Variants in ALG1 observed in about 807,000 individuals in gnomAD.
The protein encoded by ALG1 is ALG1 chitobiosyldiphosphodolichol beta-mannosyltransferase, also known as chitobiosyldiphosphodolichol beta-mannosyltransferase.
ALG1 carries 58 observed loss-of-function variants against 55.1 expected under a neutral mutation model. That is an observed-to-expected ratio of 1.05 (90% CI 0.85 to 1.31). The LOEUF (loss-of-function observed/expected upper bound fraction) is 1.31. Among genes scored for constraint, ALG1 ranks in the 50% most tolerant of loss-of-function variants. The probability of loss-of-function intolerance (pLI) is 0.00; values close to 1 mark genes in which losing one functional copy is unlikely to be tolerated. For synonymous variants in ALG1, 309 were observed against 247.0 expected, an observed-to-expected ratio of 1.25 and a Z score of -2.35; for missense variants, 761 against 598.6, an observed-to-expected ratio of 1.27 and a Z score of -2.83.
chr16:5,074,025 C>G (rs1365376634), intron 3 of ALG1, among the ~76,000 whole-genome samples: 1 of 152,098 alleles, frequency 6.6e-6, no homozygotes. Context: ...TATCGTTATA[C>G]TTTTAATCCC....
intron 5 of ALG1, 28 bp from the exon 6 acceptor site, chr16:5,077,879 C>A: frequency 6.2e-7 from 1 of 1,602,336 alleles, no homozygotes; most frequent in Non-Finnish European, 8.5e-7. Context: ...TCAGCCCTCC[C>A]AATAGCCCCG....
In ALG1 at chr16:5,077,787, C is replaced by G. The variant is rs1186610182; in HGVS notation, c.630-120C>G. 1.2e-5 allele frequency: 14 copies of G among 1,173,876 alleles called. No individual in the cohort carries two copies. In the African/African-American group the frequency reaches 2.0e-4, roughly 16 times the overall value. 72.7% of individuals were successfully genotyped at this position (1,173,876 alleles called of 1,614,324 possible). On this transcript the variant is annotated intron_variant, in intron 5 of 12. Transcript: ENST00000262374. Reference sequence around the variant, plus strand: ...TTCCCAAGTAATTGCAAGGCTTCTTCTTGTCATCATCTGAGACTTGGATTC... The same window carrying G: ...TTCCCAAGTAATTGCAAGGCTTCTTGTTGTCATCATCTGAGACTTGGATTC...
intron 1 of ALG1, 180 bp downstream of exon 1, chr16:5,072,237 G>C: frequency 6.6e-7 from 1 of 1,506,782 alleles, no homozygotes; most frequent in East Asian, 2.5e-5. Flanking sequence ...TATAGCCGGC[G>C]TTAATCTTGC....
At chr16:5,073,935 G>A (rs1439672982) in intron 3 of ALG1, among the ~76,000 whole-genome samples, 4 of 152,154 alleles carry the variant, frequency 2.6e-5, no homozygotes, top group Non-Finnish European at 5.9e-5. Flanking sequence ...GGCTGTTCTC[G>A]AACTCCTGAC....
chr16:5,072,008 G>A lies in ALG1; in HGVS notation c.159G>A (p.Ala53=). The A allele has an allele frequency of 1.9e-6, 3 of 1,597,624 alleles. No homozygotes were observed. Among genetic ancestry groups the A allele is most frequent in the Non-Finnish European group, 2.6e-6 (3 of 1,171,930 alleles). The change falls in exon 1 of 13, where the codon GCG becomes GCA. Residue 53 remains alanine, a synonymous_variant. Transcript: ENST00000262374. ...GCAGCCCCCGTATGCAGTACCACGC[G>A]CTGTCGTTGGCCATGCACGGCTTCT... ...VGRSPRMQYH[A]LSLAMHGFSV...
At chr16:5,081,492 C>A (rs751315988) in intron 10 of ALG1, among the ~76,000 whole-genome samples, 2 of 152,222 alleles carry the variant, frequency 1.3e-5, no homozygotes, top group African/African-American at 4.8e-5. Context: ...GGTCCTGATG[C>A]GTCTCTAGAG....
intron 12 of ALG1, 193 bp from the exon 13 acceptor site, chr16:5,084,555 GAA>G (rs1231112105): frequency 5.6e-5 from 49 of 879,378 alleles, no homozygotes; most frequent in Non-Finnish European, 8.1e-5. Flanking sequence ...GACATGCGGG[GAA>G]GTTTCCAGAA....
At chr16:5,072,193 T>G (rs1596251183) in intron 1 of ALG1, 136 bp downstream of exon 1, 1 of 1,493,582 alleles carries the variant, frequency 6.7e-7, no homozygotes, top group Non-Finnish European at 8.9e-7. Context: ...AGACGAGCGG[T>G]TCTGCCCCAG....
At position 5,075,569 on chromosome 16, in the gene ALG1, C is replaced by T. The variant is rs373740558; in HGVS notation, c.539+33C>T. 5.0e-6 allele frequency: 8 copies of T among 1,612,492 alleles called. No homozygotes were observed. In the African/African-American group the frequency reaches 8.0e-5, roughly 16 times the overall value. On this transcript the variant is annotated intron_variant, in intron 4 of 12. Coordinates refer to ENST00000262374, the MANE Select transcript of ALG1 (RefSeq NM_019109.5). ...TCTAGGAAGAGGGTAAAATACCGTC[C>T]CCTAAACCACTCAAGGATGAGTGAG...
intron 3 of ALG1, among the ~76,000 whole-genome samples, chr16:5,074,062 A>T (rs979143893): frequency 6.6e-6 from 1 of 151,892 alleles, no homozygotes; most frequent in Non-Finnish European, 1.5e-5. Flanking sequence ...TTCTTTAAAA[A>T]ATTTTTCTTT....
chr16:5,084,879 T>C lies in ALG1; in HGVS notation c.1393T>C (p.Ter465GlnextTer39), dbSNP rs3204229. The change falls in exon 13 of 13, where the codon TAA becomes CAA. Residue 465 changes from the stop codon to glutamine, a stop_lost. Coordinates refer to ENST00000262374, the MANE Select transcript of ALG1 (RefSeq NM_019109.5). ...TGTGCTCCCTTTGGTTATGGACACA[T>C]AACTCCTGGGCCAGAGGCTAAAACC... is the stretch of plus-strand genomic sequence containing the variant. ...QTVLPLVMDT* is the reference protein window; with the variant it reads ...QTVLPLVMDTQ 12 of 1,592,846 alleles carry C rather than the reference T, an allele frequency of 7.5e-6. No homozygotes were observed. Among genetic ancestry groups the C allele is most frequent in the East Asian group, 2.2e-5 (1 of 44,766 alleles).
chr16:5,085,043 G>A lies in ALG1; in HGVS notation c.*162G>A. On this transcript the variant is annotated 3_prime_UTR_variant, in exon 13 of 13. Coordinates refer to ENST00000262374, the MANE Select transcript of ALG1 (RefSeq NM_019109.5). Reference sequence around the variant, plus strand: ...TAAAAGAATTGGTTCTGTGACCCGGGAAGCTTTGGTTGGCCTTGATTTCTT... The same window carrying A: ...TAAAAGAATTGGTTCTGTGACCCGGAAAGCTTTGGTTGGCCTTGATTTCTT... 7.3e-7 allele frequency: 1 copy of A among 1,369,800 alleles called. No individual in the cohort carries two copies. The highest frequency in any genetic ancestry group is 1.4e-5 in the African/African-American group (1 of 69,744). The allele number at this position is 1,369,800 out of a possible 1,614,324, so 84.9% of individuals were successfully genotyped here. A position where few individuals can be genotyped will look rare whatever the true frequency, so the allele number is the denominator to read the frequency against.
At position 5,082,577 on chromosome 16, in the gene ALG1, T is replaced by G. The variant is rs774564151; in HGVS notation, c.1091T>G (p.Val364Gly). The G allele has an allele frequency of 9.3e-6, 15 of 1,611,982 alleles. No individual in the cohort carries two copies. The highest frequency in any genetic ancestry group is 1.2e-5 in the Non-Finnish European group (14 of 1,179,844). Reference sequence around the variant, plus strand: ...CTAGCAGGGTCGGCGGACCTGGGTGTCTGTCTGCACACGTCCTCCAGTGGC... The same window carrying G: ...CTAGCAGGGTCGGCGGACCTGGGTGGCTGTCTGCACACGTCCTCCAGTGGC... ...PLLLGSADLG[V>G]CLHTSSSGLD... is the part of the protein sequence containing the mutation. Residue 364 changes from valine to glycine, a missense_variant, in exon 11 of 13, where the codon GTC becomes GGC. Val to Gly is a moderately radical substitution (Grantham distance 109). Transcript: ENST00000262374.
rs1567174942 is a variant in ALG1 at position 5,085,876 on chromosome 16, C to G, written c.*995C>G. On this transcript the variant is annotated 3_prime_UTR_variant, in exon 13 of 13. Transcript: ENST00000262374. ...TGGTTCACAGGTTCCCAGGCCCACC[C>G]AGGTGCCTAGAATTGGCCTCCAGGA... is the stretch of plus-strand genomic sequence containing the variant. 5.6e-6 allele frequency: 4 copies of G among 709,286 alleles called. No homozygotes were observed. The highest frequency in any genetic ancestry group is 7.8e-6 in the Non-Finnish European group (3 of 386,704). The allele number at this position is 709,286 out of a possible 1,614,324, so 43.9% of individuals were successfully genotyped here. A position where few individuals can be genotyped will look rare whatever the true frequency, so the allele number is the denominator to read the frequency against.
rs1567172251 is a variant in ALG1 at position 5,083,774 on chromosome 16, C to A, written c.1263+17C>A. On this transcript the variant is annotated intron_variant, in intron 12 of 12. Transcript: ENST00000262374. ...CAGCTGCAGGTAGCCACGTCTGCCA[C>A]CACGCCAGGGTGGGGAGGGTTCTGG... The A allele has an allele frequency of 6.3e-7, 1 of 1,597,610 alleles. No homozygotes were observed. The highest frequency in any genetic ancestry group is 2.2e-5 in the East Asian group (1 of 44,868).
chr16:5,082,376 C>A (rs1346402821), intron 10 of ALG1, among the ~76,000 whole-genome samples, 183 bp from the exon 11 acceptor site: 2 of 152,232 alleles, frequency 1.3e-5, no homozygotes, highest in Admixed American at 1.3e-4. Flanking sequence ...TGTCAACTTA[C>A]ATTTTCAGAT....
intron 8 of ALG1, among the ~76,000 whole-genome samples, chr16:5,079,345 G>A (rs1407125331): frequency 1.3e-5 from 2 of 152,218 alleles, no homozygotes; most frequent in East Asian, 3.9e-4. Context: ...CCCCGCCAGA[G>A]CAGTGCTCTT....
chr16:5,080,985 A>T lies in ALG1; in HGVS notation c.1001A>T (p.His334Leu). 6.3e-7 allele frequency: 1 copy of T among 1,596,126 alleles called. No individual in the cohort carries two copies. The highest frequency in any genetic ancestry group is 1.7e-5 in the Admixed American group (1 of 59,996). Residue 334 changes from histidine (H) to leucine (L), a missense_variant, in exon 10 of 13, where the codon CAC becomes CTC. Coordinates refer to ENST00000262374, the MANE Select transcript of ALG1 (RefSeq NM_019109.5). ...AGGGAGTATTATAGCCGCCTCATCC[A>T]CCAGAAGCACTTCCAGCACATCCAG... The part of the protein sequence containing the change: ...PLREYYSRLI[H>L]QKHFQHIQVC...
intron 8 of ALG1, 114 bp from the exon 9 acceptor site, chr16:5,079,634 A>G: frequency 2.4e-6 from 3 of 1,232,564 alleles, no homozygotes; most frequent in Non-Finnish European, 3.6e-6. Flanking sequence ...GGTTGCAGTG[A>G]GCTGAGATCG....
Sources: gnomAD v4.1 joint callset for allele counts (sites outside exome capture counted in the v4.1 genomes callset) on GRCh38, gnomAD v4.1.1 for gene constraint, MANE v1.5 for transcripts, NCBI Gene and HGNC (gene_info 2026-07-23, HGNC 2026-07-21) for gene names.